FAS: variants seen among roughly 807,000 people sequenced by gnomAD.
The protein encoded by FAS is Fas cell surface death receptor.
In FAS, 5 loss-of-function variants were observed where a neutral mutation model predicts 33.2. The ratio of observed to expected loss-of-function variants is 0.15; its 90% confidence interval spans 0.08 to 0.32. The LOEUF is 0.32. FAS is among the 10% of genes least tolerant of loss of function. The pLI, the probability that FAS is intolerant of heterozygous loss-of-function variation, is 1.00. For missense variants in FAS, 339 were observed against 386.0 expected (o/e 0.88, Z 1.02); for synonymous variants, 131 against 130.7 (o/e 1.00, Z -0.01).
At position 89,016,964 on chromosome 10, in the gene FAS, A is replaced by T. The variant is rs1055642308; in HGVS notation, c.*2514A>T. ...AAATTTAGAATTTTTTTCTATGCTT[A>T]CTCCTGATTGGTAATTTGTTTGGGT... On this transcript the variant is annotated 3_prime_UTR_variant, in exon 9 of 9. Coordinates refer to ENST00000652046, the MANE Select transcript of FAS (RefSeq NM_000043.6). 20 of 184,588 alleles carry T rather than the reference A, an allele frequency of 1.1e-4. No individual in the cohort carries two copies. The highest frequency in any genetic ancestry group is 4.7e-4 in the African/African-American group (20 of 42,558). The allele number at this position is 184,588 out of a possible 1,614,324, so 11.4% of individuals were successfully genotyped here. A position where few individuals can be genotyped will look rare whatever the true frequency, so the allele number is the denominator to read the frequency against.
At chr10:88,989,508 C>T (rs750180876), upstream of FAS, 4 of 544,332 alleles carry the variant, frequency 7.3e-6, no homozygotes, top group Non-Finnish European at 1.5e-5. Flanking sequence ...CGCCCAGGGT[C>T]TTCCTCATGG....
chr10:88,997,633 G>C (rs1350428373), intron 1 of FAS, among the ~76,000 whole-genome samples: 1 of 152,174 alleles, frequency 6.6e-6, no homozygotes, highest in East Asian at 1.9e-4. Context: ...AGTAGGACAA[G>C]ATGACATCAC....
intron 1 of FAS, among the ~76,000 whole-genome samples, chr10:88,969,625 G>T (rs1846387365): frequency 6.6e-6 from 1 of 151,852 alleles, no homozygotes; most frequent in Non-Finnish European, 1.5e-5. Flanking sequence ...CTGGCTCTCT[G>T]GGATGACCAG....
Position 89,010,772 on chromosome 10 carries a change from G to A in FAS, c.525G>A (p.Gly175=). The A allele has an allele frequency of 5.6e-6, 9 of 1,614,064 alleles. No homozygotes were observed. The highest frequency in any genetic ancestry group is 7.6e-6 in the Non-Finnish European group (9 of 1,179,990). ...CTACAGGATCCAGATCTAACTTGGG[G>A]TGGCTTTGTCTTCTTCTTTTGCCAA... ...CKEEGSRSNL[G]WLCLLLLPIP... The change falls in exon 6 of 9, where the codon GGG becomes GGA. Residue 175 remains glycine, a synonymous_variant. Coordinates refer to ENST00000652046, the MANE Select transcript of FAS (RefSeq NM_000043.6).
intron 1 of FAS, among the ~76,000 whole-genome samples, chr10:88,969,234 G>C (rs758323684): frequency 6.6e-6 from 1 of 152,096 alleles, no homozygotes; most frequent in East Asian, 1.9e-4. Context: ...ATAGATTTCC[G>C]TAATGTCCAA....
intron 1 of FAS, among the ~76,000 whole-genome samples, chr10:88,994,121 C>T (rs955753974): frequency 4.6e-5 from 7 of 152,190 alleles, no homozygotes; most frequent in Non-Finnish European, 7.3e-5. Flanking sequence ...AGACACTGGA[C>T]AAGTAATTTC....
chr10:89,010,923 G>T (rs929031442), intron 6 of FAS, 108 bp downstream of exon 6: 2 of 1,304,636 alleles, frequency 1.5e-6, no homozygotes, highest in East Asian at 2.3e-5. Flanking sequence ...GTAGATTTAT[G>T]TATTGTTAAT....
chr10:89,003,511 T>C (rs556725080), intron 2 of FAS, among the ~76,000 whole-genome samples: 3 of 152,330 alleles, frequency 2.0e-5, no homozygotes, highest in Admixed American at 6.5e-5. Flanking sequence ...ATGTCAAAAC[T>C]GATTAGGATC....
At chr10:89,009,658 C>T (rs1308103733) in intron 4 of FAS, among the ~76,000 whole-genome samples, 1 of 152,092 alleles carries the variant, frequency 6.6e-6, no homozygotes, top group Non-Finnish European at 1.5e-5. Flanking sequence ...AGGAGTTCAT[C>T]TAATAGGCTT....
chr10:88,984,790 T>A (rs925805476), upstream of FAS, among the ~76,000 whole-genome samples: 2 of 152,156 alleles, frequency 1.3e-5, no homozygotes, highest in African/African-American at 2.4e-5. Flanking sequence ...GAGAGACATC[T>A]TCTCACCTTC....
chr10:89,003,394 A>G (rs1368706751), intron 2 of FAS, among the ~76,000 whole-genome samples, 200 bp downstream of exon 2: 1 of 152,262 alleles, frequency 6.6e-6, no homozygotes, highest in Non-Finnish European at 1.5e-5. Context: ...GGTTATGGAT[A>G]AATTTAATTT....
In FAS at chr10:89,002,823, A is replaced by C. The variant is rs559527066; in HGVS notation, c.31-206A>C. 11 of 572,240 alleles carry C rather than the reference A, an allele frequency of 1.9e-5. No homozygotes were observed. In the African/African-American group the frequency reaches 2.1e-4, roughly 11 times the overall value. The allele number at this position is 572,240 out of a possible 1,614,324, so 35.4% of individuals were successfully genotyped here. ...TTCTATCATTCATGGTGCTGTTTCT[A>C]GTGTGGTTTGAAGAACCTGAGATCC... On this transcript the variant is annotated intron_variant, in intron 1 of 8. Coordinates refer to ENST00000652046, the MANE Select transcript of FAS (RefSeq NM_000043.6).
intron 1 of FAS, among the ~76,000 whole-genome samples, chr10:89,000,271 T>TCAAA (rs1290072579): frequency 2.0e-5 from 3 of 152,214 alleles, no homozygotes; most frequent in Admixed American, 2.0e-4. Context: ...TGTTGATAAT[T>TCAAA]CAAAGGTTTA....
rs11597033 is a variant in FAS, at chr10:89,016,083, G to A, written c.*1633G>A. 487 of 228,792 alleles carry A rather than the reference G, an allele frequency of 2.1e-3. No homozygotes were observed. The highest frequency in any genetic ancestry group is 4.2e-3 in the Admixed American group (77 of 18,316). 14.2% of individuals were successfully genotyped at this position (228,792 alleles called of 1,614,324 possible). A position where few individuals can be genotyped will look rare whatever the true frequency, so the allele number is the denominator to read the frequency against. On this transcript the variant is annotated 3_prime_UTR_variant, in exon 9 of 9. Transcript: ENST00000652046. The stretch of plus-strand genomic sequence containing the variant: ...GGTTTTATTATTAAGAAAGCCAAAT[G>A]AGGATTTTGAAATATTCTTTCCTGC...
intron 2 of FAS, among the ~76,000 whole-genome samples, chr10:88,979,661 G>C (rs1270959423): frequency 6.6e-6 from 1 of 151,938 alleles, no homozygotes. Flanking sequence ...GGCGAGAACA[G>C]CATAAATGCC....
At chr10:89,003,768 C>T (rs1224802123) in intron 2 of FAS, among the ~76,000 whole-genome samples, 1 of 152,074 alleles carries the variant, frequency 6.6e-6, no homozygotes, top group African/African-American at 2.4e-5. Context: ...ATCCTTCAAA[C>T]ACTGGTAAAT....
intron 6 of FAS, among the ~76,000 whole-genome samples, chr10:89,011,678 T>C (rs1026429603): frequency 1.3e-5 from 2 of 152,228 alleles, no homozygotes; most frequent in Admixed American, 6.5e-5. Flanking sequence ...CTACGGCTTC[T>C]GCATCCTGCC....
Position 88,979,239 on chromosome 10 carries a change from G to T in FAS, n.260+5892G>T, listed in dbSNP as rs531599396. Among the ~76,000 whole-genome samples, 131 of 151,988 alleles carry T rather than the reference G, an allele frequency of 8.6e-4. 1 individual carries two copies. Among genetic ancestry groups the T allele is most frequent in the African/African-American group, 3.0e-3 (125 of 41,466 alleles). On this transcript the variant is annotated intron_variant and non_coding_transcript_variant, in intron 2 of 3. Transcript: ENST00000688239. ...TGGGGAGGAGAGATAAGGAAGGGAAGAAAGTGAGTACTGAGACAAAAAAGC... is the reference window on the plus strand; with the variant it reads ...TGGGGAGGAGAGATAAGGAAGGGAATAAAGTGAGTACTGAGACAAAAAAGC...
intron 6 of FAS, 132 bp downstream of exon 6, chr10:89,010,947 A>AT: frequency 9.5e-7 from 1 of 1,052,330 alleles, no homozygotes. Context: ...TTGCCCCTGA[A>AT]TGCAGCCTTG....
Sources: allele counts gnomAD v4.1 joint callset (sites outside exome capture counted in the v4.1 genomes callset), GRCh38; gene constraint gnomAD v4.1.1; transcripts MANE v1.5; gene names NCBI Gene and HGNC (gene_info 2026-07-23, HGNC 2026-07-21).